TDRD12: variants seen among roughly 807,000 people sequenced by gnomAD.
TDRD12 encodes the protein putative ATP-dependent RNA helicase TDRD12.
Under a neutral mutation model 133.5 loss-of-function variants are expected in TDRD12, and 158 were observed. That is an observed-to-expected ratio of 1.18 (90% confidence interval 1.04 to 1.35). The LOEUF is 1.35. Ranked by LOEUF, TDRD12 falls within the 40% of genes most tolerant of loss-of-function variation. The probability of loss-of-function intolerance (pLI) is 0.00; values close to 1 mark genes in which losing one functional copy is unlikely to be tolerated. For synonymous variants in TDRD12, 460 were observed against 477.9 expected (o/e 0.96, Z 0.49); for missense variants, 1,443 against 1,321.3 (o/e 1.09, Z -1.43).
chr19:32,826,589 C>T, exon 9 of TDRD12: 2 of 1,238,668 alleles, frequency 1.6e-6, no homozygotes, highest in Non-Finnish European at 1.0e-6. Context: ...GTCACCTACT[C>T]AGACAGAGGG....
chr19:32,809,073 G>A (rs1451117034), intron 22 of TDRD12, among the ~76,000 whole-genome samples: 8 of 152,054 alleles, frequency 5.3e-5, no homozygotes, highest in Non-Finnish European at 1.0e-4. Context: ...TGTGGGTCAG[G>A]GTAACTTTTC....
At chr19:32,756,897 TC>T (rs1970010680) in intron 7 of TDRD12, 140 bp from the exon 8 acceptor site, 1 of 620,552 alleles carries the variant, frequency 1.6e-6, no homozygotes, top group South Asian at 2.2e-5. Context: ...CAGTTTTTAG[TC>T]CCCTCACCTT....
chr19:32,776,317 C>T lies in TDRD12; in HGVS notation c.1041-832C>T, dbSNP rs112324717. Reference sequence around the variant, plus strand: ...TCTTTGGACCACAGCTCCCATCTCCCAGTTCCTCTGGCTTCAGGTGCAGGT... The same window carrying T: ...TCTTTGGACCACAGCTCCCATCTCCTAGTTCCTCTGGCTTCAGGTGCAGGT... On this transcript the variant is annotated intron_variant, in intron 10 of 27. Transcript: ENST00000444215. 1.8e-4 allele frequency among the ~76,000 whole-genome samples: 27 copies of T among 152,342 alleles called. 1 individual carries two copies. Among genetic ancestry groups the T allele is most frequent in the African/African-American group, 6.5e-4 (27 of 41,574 alleles).
chr19:32,747,074 G>A (rs1304075765), intron 4 of TDRD12, among the ~76,000 whole-genome samples: 1 of 151,586 alleles, frequency 6.6e-6, no homozygotes, highest in African/African-American at 2.4e-5. Context: ...GTGTGTGAGA[G>A]AGGGAGAGTG....
chr19:32,783,326 T>TCTGTTTTGGTACCAGTGCCATG (rs1970820192), intron 11 of TDRD12, among the ~76,000 whole-genome samples: 1 of 152,164 alleles, frequency 6.6e-6, no homozygotes, highest in Non-Finnish European at 1.5e-5. Flanking sequence ...GGTCTATATA[T>TCTGTTTTGGTACCAGTGCCATG]CTGTTTTGGT....
chr19:32,826,579 G>A (rs1057005762), exon 9 of TDRD12: 1 of 1,240,076 alleles, frequency 8.1e-7, no homozygotes, highest in African/African-American at 1.5e-5. Flanking sequence ...GAGGCATGGT[G>A]TCACCTACTC....
Position 32,772,869 on chromosome 19 carries a change from TC to T in TDRD12, c.963+20del. 1 of 1,352,802 alleles carries T rather than the reference TC, an allele frequency of 7.4e-7. No individual in the cohort carries two copies. The highest frequency in any genetic ancestry group is 9.8e-7 in the Non-Finnish European group (1 of 1,016,806). 83.8% of individuals were successfully genotyped at this position (1,352,802 alleles called of 1,614,324 possible). A position where few individuals can be genotyped will look rare whatever the true frequency, so the allele number is the denominator to read the frequency against. On this transcript the variant is annotated intron_variant, in intron 9 of 27. Coordinates refer to ENST00000444215, the Ensembl canonical transcript of TDRD12. Reference sequence around the variant, plus strand: ...AAATAAGGTTGTATTTTAAAAATGTTCTTTAAATACAAAGTTCATATAGTGT... The same window carrying T: ...AAATAAGGTTGTATTTTAAAAATGTTTTTAAATACAAAGTTCATATAGTGT...
intron 1 of TDRD12, among the ~76,000 whole-genome samples, chr19:32,726,054 T>C (rs1968848339): frequency 6.6e-6 from 1 of 152,078 alleles, no homozygotes. Context: ...TTTTTAAGTG[T>C]ACAGTTCATG....
chr19:32,806,545 T>TTGGCCATGC lies in TDRD12; in HGVS notation c.2553-1000_2553-992dup, dbSNP rs1010031543. Among the ~76,000 whole-genome samples, 4 of 152,198 alleles carry TTGGCCATGC rather than the reference T, an allele frequency of 2.6e-5. No homozygotes were observed. In the East Asian group the frequency reaches 5.8e-4, roughly 22 times the overall value. ...TTTAGTAGAGATGGGGTTCGCCATG[T>TTGGCCATGC]TGGCCATGCTGGTCTCAAACCCCTC... On this transcript the variant is annotated intron_variant, in intron 21 of 27. Transcript: ENST00000444215.
exon 25 of TDRD12, chr19:32,813,724 A>C: frequency 6.5e-7 from 1 of 1,535,398 alleles, no homozygotes; most frequent in Non-Finnish European, 8.7e-7. Context: ...GGAAAATTGC[A>C]TGATGCAAAA....
chr19:32,824,889 G>A (rs899650131), downstream of TDRD12, among the ~76,000 whole-genome samples: 6 of 152,298 alleles, frequency 3.9e-5, no homozygotes, highest in East Asian at 3.9e-4. Flanking sequence ...ACCTCGAGTC[G>A]GCTGAGACTC....
At chr19:32,825,354 G>T (rs893828896), downstream of TDRD12, among the ~76,000 whole-genome samples, 1 of 152,180 alleles carries the variant, frequency 6.6e-6, no homozygotes, top group African/African-American at 2.4e-5. The surrounding 1 kb of genome is among the most constrained non-coding windows in gnomAD (Gnocchi z 4.1). Context: ...AGCCTTGCCT[G>T]TTGGAGATTG....
intron 11 of TDRD12, among the ~76,000 whole-genome samples, chr19:32,786,055 C>T (rs1970899489): frequency 6.6e-6 from 1 of 152,156 alleles, no homozygotes; most frequent in Non-Finnish European, 1.5e-5. Flanking sequence ...CATGTTTTTG[C>T]AGTGGCTGGT....
intron 4 of TDRD12, among the ~76,000 whole-genome samples, chr19:32,743,910 C>A (rs571019851): frequency 6.6e-6 from 1 of 151,798 alleles, no homozygotes; most frequent in Non-Finnish European, 1.5e-5. Context: ...CATCTGTAAT[C>A]CCAGCTACTC....
intron 3 of TDRD12, among the ~76,000 whole-genome samples, chr19:32,741,818 C>A (rs1011060555): frequency 6.6e-6 from 1 of 152,106 alleles, no homozygotes; most frequent in African/African-American, 2.4e-5. Flanking sequence ...AAGGCCAAGG[C>A]AGGAGGATCG....
At chr19:32,746,490 G>A (rs113645912) in intron 4 of TDRD12, among the ~76,000 whole-genome samples, 8 of 111,130 alleles carry the variant, frequency 7.2e-5, no homozygotes, top group Non-Finnish European at 5.6e-5. Flanking sequence ...GTGACAGAGA[G>A]GGGGAGAGAG....
At chr19:32,821,405 TGTGTGC>T (rs769102484), downstream of TDRD12, 7,541 of 169,206 alleles carry the variant, frequency 0.045, 180 homozygotes, top group East Asian at 0.36. Flanking sequence ...TGTGTGTGTG[TGTGTGC>T]GTGTGAACCA....
chr19:32,797,026 G>C (rs543200892), intron 14 of TDRD12, among the ~76,000 whole-genome samples: 1 of 151,076 alleles, frequency 6.6e-6, no homozygotes, highest in East Asian at 1.9e-4. Flanking sequence ...TGTCACCCAG[G>C]CTGGAGTGCA....
At chr19:32,738,893 G>A (rs1172128747) in exon 3 of TDRD12, 2 of 1,551,292 alleles carry the variant, frequency 1.3e-6, no homozygotes, top group Non-Finnish European at 1.7e-6. Flanking sequence ...AAGTGCTGGT[G>A]CAGGGCCATT....
Sources: allele counts gnomAD v4.1 joint callset (sites outside exome capture counted in the v4.1 genomes callset), GRCh38; gene constraint gnomAD v4.1.1; non-coding constraint Gnocchi (gnomAD v3.1); transcripts MANE v1.5; gene names NCBI Gene and HGNC (gene_info 2026-07-23, HGNC 2026-07-21).